CD58: variants seen among roughly 807,000 people sequenced by gnomAD.
CD58 encodes CD58 molecule.
A neutral mutation model predicts 27.6 loss-of-function variants in CD58; 14 were observed. The observed-to-expected ratio is 0.51, with a 90% CI of 0.34 to 0.79. The LOEUF (loss-of-function observed/expected upper bound fraction) is 0.79, where lower values mean the gene tolerates loss of function less well. CD58 is among the 30% of genes least tolerant of loss of function. CD58 has a pLI of 0.02. For synonymous variants in CD58, 117 were observed against 103.8 expected (o/e 1.13, Z -0.77); for missense variants, 268 against 301.7 (o/e 0.89, Z 0.83).
In CD58 at chr1:116,522,890, A is replaced by C. The variant is rs1460014188; in HGVS notation, c.629-907T>G. 6.6e-6 allele frequency among the ~76,000 whole-genome samples: 1 copy of C among 152,230 alleles called. No individual in the cohort carries two copies. ...ACATTGCACTAAGTCATGTGCCTAT[A>C]GTCTCACTAAGTCATTACAATGTTG... On this transcript the variant is annotated intron_variant, in intron 3 of 5. Transcript: ENST00000369489. The surrounding 1 kb of genome is among the most constrained non-coding windows in gnomAD (Gnocchi z 4.6).
At chr1:116,535,033 C>A (rs1657743588) in intron 3 of CD58, among the ~76,000 whole-genome samples, 1 of 152,076 alleles carries the variant, frequency 6.6e-6, no homozygotes, top group Admixed American at 6.5e-5. Flanking sequence ...TTTTAATAAA[C>A]CACTTTCAAG....
At chr1:116,554,530 T>G (rs995665038) in intron 1 of CD58, among the ~76,000 whole-genome samples, 1 of 151,870 alleles carries the variant, frequency 6.6e-6, no homozygotes. Context: ...TACCAAAAAA[T>G]ATATATATAT....
At chr1:116,554,877 A>G (rs1037220085) in intron 1 of CD58, among the ~76,000 whole-genome samples, 1 of 152,188 alleles carries the variant, frequency 6.6e-6, no homozygotes, top group African/African-American at 2.4e-5. Context: ...GTGCATGGGT[A>G]TATCTATTAT....
In CD58 at chr1:116,515,435, GA is replaced by G. The variant is rs1294193818; in HGVS notation, c.744-614del. The stretch of plus-strand genomic sequence containing the variant: ...TCTCATTGGTAACAAGAATTCATGA[GA>G]AATTAGTGCTGTGGTCACAGGGGTG... On this transcript the variant is annotated intron_variant, in intron 5 of 5. Coordinates refer to ENST00000369489, the MANE Select transcript of CD58 (RefSeq NM_001779.3). The surrounding 1 kb of genome is among the most constrained non-coding windows in gnomAD (Gnocchi z 4.6). Among the ~76,000 whole-genome samples, 5 of 152,216 alleles carry G rather than the reference GA, an allele frequency of 3.3e-5. No individual in the cohort carries two copies. The highest frequency in any genetic ancestry group is 1.2e-4 in the African/African-American group (5 of 41,438).
intron 3 of CD58, among the ~76,000 whole-genome samples, chr1:116,529,782 T>C (rs1409086699): frequency 6.6e-6 from 1 of 152,232 alleles, no homozygotes. Flanking sequence ...AAGAACTCTG[T>C]CCTCAATCTT....
chr1:116,535,441 A>G (rs931386706), intron 3 of CD58, among the ~76,000 whole-genome samples: 3 of 152,348 alleles, frequency 2.0e-5, no homozygotes, highest in Admixed American at 1.3e-4. Context: ...TTGTATGAGG[A>G]TTGATGTGAA....
At position 116,570,926 on chromosome 1, in the gene CD58, A is replaced by G. The variant is rs1659120542; in HGVS notation, c.47T>C (p.Val16Ala). The G allele has an allele frequency of 6.4e-7, 1 of 1,568,874 alleles. No individual in the cohort carries two copies. Among genetic ancestry groups the G allele is most frequent in the Non-Finnish European group, 8.6e-7 (1 of 1,163,214 alleles). The change falls in exon 1 of 6, where the codon GTG becomes GCG. Residue 16 changes from valine to alanine, a missense_variant. Transcript: ENST00000369489. This position sits in a 1 kb window ranked among gnomAD's most constrained non-coding sequence, Gnocchi z 6.4. Reference sequence around the variant, plus strand: ...ACCAAAGCAGTGCAGCAGGCAGACCACGCTGAGGACCCCCAGGGCCCGCCC... The same window carrying G: ...ACCAAAGCAGTGCAGCAGGCAGACCGCGCTGAGGACCCCCAGGGCCCGCCC... ...DAGRALGVLS[V>A]VCLLHCFGFI...
At chr1:116,548,209 G>T (rs1340035378) in intron 1 of CD58, among the ~76,000 whole-genome samples, 1 of 152,198 alleles carries the variant, frequency 6.6e-6, no homozygotes, top group Admixed American at 6.5e-5. Flanking sequence ...TTGGTCCTTT[G>T]TCAGATACAT....
Position 116,570,820 on chromosome 1 carries a change from T to C in CD58, c.70+83A>G. The C allele has an allele frequency of 2.6e-6, 3 of 1,147,508 alleles. No homozygotes were observed. Among genetic ancestry groups the C allele is most frequent in the Non-Finnish European group, 3.7e-6 (3 of 820,300 alleles). 71.1% of individuals were successfully genotyped at this position (1,147,508 alleles called of 1,614,324 possible). On this transcript the variant is annotated intron_variant, in intron 1 of 5. Transcript: ENST00000369489. The surrounding 1 kb of genome is among the most constrained non-coding windows in gnomAD (Gnocchi z 6.4). ...CACCCGTCTCTGATCGGCAACCGCC[T>C]CGAGCCCGGCGCGTCCACCCAGCCT...
Position 116,552,940 on chromosome 1 carries a change from A to G in CD58, c.71-8336T>C, listed in dbSNP as rs1658439197. On this transcript the variant is annotated intron_variant, in intron 1 of 5. Coordinates refer to ENST00000369489, the MANE Select transcript of CD58 (RefSeq NM_001779.3). This position sits in a 1 kb window ranked among gnomAD's most constrained non-coding sequence, Gnocchi z 4.5. ...TACAAAAAAGACTTTGGCAATTTAC[A>G]TCTCCATCAGTAATGCCTGAGTTGC... Among the ~76,000 whole-genome samples the G allele has an allele frequency of 6.6e-6, 1 of 152,190 alleles. No homozygotes were observed. Among genetic ancestry groups the G allele is most frequent in the South Asian group, 2.1e-4 (1 of 4,830 alleles).
At position 116,519,169 on chromosome 1, in the gene CD58, G is replaced by T; in HGVS notation, c.743+62C>A. ...AGTACAATCTGGCTTCCCAAGTAATGGGCATCTACAGCAGGGCTGCTGTTG... is the reference window on the plus strand; with the variant it reads ...AGTACAATCTGGCTTCCCAAGTAATTGGCATCTACAGCAGGGCTGCTGTTG... On this transcript the variant is annotated intron_variant, in intron 5 of 5. Coordinates refer to ENST00000369489, the MANE Select transcript of CD58 (RefSeq NM_001779.3). The surrounding 1 kb of genome is among the most constrained non-coding windows in gnomAD (Gnocchi z 4.7). 1 of 1,604,558 alleles carries T rather than the reference G, an allele frequency of 6.2e-7. No homozygotes were observed. Among genetic ancestry groups the T allele is most frequent in the Non-Finnish European group, 8.5e-7 (1 of 1,174,512 alleles).
intron 3 of CD58, chr1:116,533,547 A>G (rs1657688070): frequency 5.5e-6 from 4 of 722,794 alleles, no homozygotes; most frequent in Non-Finnish European, 1.0e-5. Flanking sequence ...AGATTGGTTC[A>G]TCATATTCCT....
rs1658160056 is a variant in CD58, at chr1:116,546,089, T to C, written c.71-1485A>G. Among the ~76,000 whole-genome samples, 1 of 152,194 alleles carries C rather than the reference T, an allele frequency of 6.6e-6. No homozygotes were observed. The highest frequency in any genetic ancestry group is 1.5e-5 in the Non-Finnish European group (1 of 68,034). The stretch of plus-strand genomic sequence containing the variant: ...TACTTGGGAGGCTGAAGAGGATTAC[T>C]TGAAGCCATGAGGCAGAGATTGCAG... On this transcript the variant is annotated intron_variant, in intron 1 of 5. Coordinates refer to ENST00000369489, the MANE Select transcript of CD58 (RefSeq NM_001779.3). This position sits in a 1 kb window ranked among gnomAD's most constrained non-coding sequence, Gnocchi z 4.1.
In CD58 at chr1:116,536,430, A is replaced by T. The variant is rs1356503971; in HGVS notation, c.365-202T>A. On this transcript the variant is annotated intron_variant, in intron 2 of 5. Transcript: ENST00000369489. The surrounding 1 kb of genome is among the most constrained non-coding windows in gnomAD (Gnocchi z 5.4). Reference sequence around the variant, plus strand: ...TTTAACAGAATAAATTCAGACCCTGATATGGTTTGGCTCTGGGTCCTCACC... The same window carrying T: ...TTTAACAGAATAAATTCAGACCCTGTTATGGTTTGGCTCTGGGTCCTCACC... Among the ~76,000 whole-genome samples the T allele has an allele frequency of 5.3e-5, 8 of 152,074 alleles. No individual in the cohort carries two copies. Among genetic ancestry groups the T allele is most frequent in the African/African-American group, 1.9e-4 (8 of 41,402 alleles).
chr1:116,529,849 C>T (rs1281893822), intron 3 of CD58, among the ~76,000 whole-genome samples: 2 of 152,144 alleles, frequency 1.3e-5, no homozygotes, highest in African/African-American at 4.8e-5. Context: ...ACCCCATCGC[C>T]CCATTTCTGG....
rs1006410660 is a variant in CD58 at position 116,550,257 on chromosome 1, T to C, written c.71-5653A>G. ...CTCAGAGGCATCCAATGCTGTTTGA[T>C]AGAATTTTACTCACAGTAAAACTGC... is the stretch of plus-strand genomic sequence containing the variant. On this transcript the variant is annotated intron_variant, in intron 1 of 5. Coordinates refer to ENST00000369489, the MANE Select transcript of CD58 (RefSeq NM_001779.3). The surrounding 1 kb of genome is among the most constrained non-coding windows in gnomAD (Gnocchi z 4.2). Among the ~76,000 whole-genome samples, 1 of 152,234 alleles carries C rather than the reference T, an allele frequency of 6.6e-6. No individual in the cohort carries two copies. Among genetic ancestry groups the C allele is most frequent in the Admixed American group, 6.5e-5 (1 of 15,284 alleles).
intron 1 of CD58, among the ~76,000 whole-genome samples, chr1:116,549,317 C>CAGTT (rs1658306288): frequency 6.6e-6 from 1 of 152,158 alleles, no homozygotes; most frequent in African/African-American, 2.4e-5. Flanking sequence ...TTAGGGAAGG[C>CAGTT]AGTTCCCTTC....
At chr1:116,545,753 C>A (rs1241452100) in intron 1 of CD58, among the ~76,000 whole-genome samples, 4 of 152,192 alleles carry the variant, frequency 2.6e-5, no homozygotes, top group Non-Finnish European at 1.5e-5. Flanking sequence ...CAGAAACTGA[C>A]TAATGCTTCA....
chr1:116,544,032 G>A (rs1658073318), intron 2 of CD58, among the ~76,000 whole-genome samples: 1 of 152,192 alleles, frequency 6.6e-6, no homozygotes, highest in African/African-American at 2.4e-5. Flanking sequence ...AGCCCAAAGA[G>A]TTCTAAGCTA....
Sources: gnomAD v4.1 joint callset for allele counts (sites outside exome capture counted in the v4.1 genomes callset) on GRCh38, gnomAD v4.1.1 for gene constraint, Gnocchi (gnomAD v3.1) non-coding constraint, MANE v1.5 for transcripts, NCBI Gene and HGNC (gene_info 2026-07-23, HGNC 2026-07-21) for gene names.